The following ELMO1 variants were observed in gnomAD, a reference collection of about 807,000 sequenced individuals.
ELMO1 encodes the protein engulfment and cell motility protein 1.
A neutral mutation model predicts 98.9 loss-of-function variants in ELMO1; 26 were observed. The ratio of observed to expected loss-of-function variants is 0.26; its 90% CI spans 0.19 to 0.36. The LOEUF (loss-of-function observed/expected upper bound fraction) is 0.36. ELMO1 is among the 10% of genes least tolerant of loss of function. The pLI, the probability that ELMO1 is intolerant of heterozygous loss-of-function variation, is 1.00. For synonymous variants in ELMO1, 346 were observed against 346.0 expected (o/e 1.00, Z 0.00); for missense variants, 627 against 935.2 (o/e 0.67, Z 4.30).
intron 16 of ELMO1, among the ~76,000 whole-genome samples, chr7:36,918,934 T>C (rs528796963): frequency 2.6e-5 from 4 of 152,212 alleles, no homozygotes; most frequent in East Asian, 3.9e-4. Context: ...GGTTTACCCA[T>C]AGCAAGAGAG....
chr7:37,253,341 T>G (rs1795460558), intron 6 of ELMO1, among the ~76,000 whole-genome samples: 1 of 152,054 alleles, frequency 6.6e-6, no homozygotes, highest in Non-Finnish European at 1.5e-5. Flanking sequence ...TGTCCATCAA[T>G]GATAGACTGG....
chr7:37,154,983 G>C (rs1040081706), intron 13 of ELMO1, among the ~76,000 whole-genome samples: 1 of 152,202 alleles, frequency 6.6e-6, no homozygotes, highest in African/African-American at 2.4e-5. Context: ...AACCCTACAA[G>C]CCAGAAGAGA....
chr7:37,421,945 C>A (rs190909437), intron 1 of ELMO1, among the ~76,000 whole-genome samples: 58 of 152,250 alleles, frequency 3.8e-4, no homozygotes, highest in African/African-American at 1.3e-3. Flanking sequence ...TGAGTGGGAC[C>A]AGGAAGCCAA....
chr7:37,054,375 C>A (rs1796283219), intron 15 of ELMO1, among the ~76,000 whole-genome samples: 1 of 152,066 alleles, frequency 6.6e-6, no homozygotes. Flanking sequence ...TAACAGCCTA[C>A]CAAGAAGATG....
At chr7:37,288,941 G>A (rs1392732550) in intron 4 of ELMO1, among the ~76,000 whole-genome samples, 1 of 152,170 alleles carries the variant, frequency 6.6e-6, no homozygotes, top group African/African-American at 2.4e-5. Flanking sequence ...CTGCCCCCAT[G>A]TCTTTTTTGG....
rs192487013 is a variant in ELMO1 at position 37,153,124 on chromosome 7, T to C, written c.1087-19890A>G. Among the ~76,000 whole-genome samples, 1,002 of 152,350 alleles carry C rather than the reference T, an allele frequency of 6.6e-3. 6 individuals carry two copies. The highest frequency in any genetic ancestry group is 0.01 in the Non-Finnish European group (711 of 68,040). The stretch of plus-strand genomic sequence containing the variant: ...CAACAAGTAGGCACTTCGGGAATTA[T>C]ATCTCACAGAAAAATGACTTTAAGA... On this transcript the variant is annotated intron_variant, in intron 13 of 21. Coordinates refer to ENST00000310758, the MANE Select transcript of ELMO1 (RefSeq NM_014800.11).
intron 16 of ELMO1, among the ~76,000 whole-genome samples, chr7:36,923,343 T>C (rs1785292083): frequency 6.6e-6 from 1 of 152,222 alleles, no homozygotes; most frequent in African/African-American, 2.4e-5. Flanking sequence ...GTGTCAATGT[T>C]ATATCTCAGG....
chr7:37,215,183 A>G (rs1306535165), intron 11 of ELMO1, among the ~76,000 whole-genome samples: 5 of 152,236 alleles, frequency 3.3e-5, no homozygotes, highest in African/African-American at 1.2e-4. Flanking sequence ...TTATCAAACA[A>G]TGAAAGTTAC....
At chr7:37,373,025 G>C (rs1340505887) in intron 1 of ELMO1, among the ~76,000 whole-genome samples, 1 of 152,190 alleles carries the variant, frequency 6.6e-6, no homozygotes, top group Non-Finnish European at 1.5e-5. Flanking sequence ...CACCCGTGCT[G>C]TGTCACCTAC....
At chr7:36,869,814 TA>T (rs1281633565) in intron 20 of ELMO1, among the ~76,000 whole-genome samples, 1 of 152,210 alleles carries the variant, frequency 6.6e-6, no homozygotes, top group Non-Finnish European at 1.5e-5. Flanking sequence ...AGGGCTTAAG[TA>T]ATACACACTT....
At chr7:36,957,366 C>G (rs1788548739) in intron 16 of ELMO1, among the ~76,000 whole-genome samples, 1 of 152,208 alleles carries the variant, frequency 6.6e-6, no homozygotes, top group South Asian at 2.1e-4. Context: ...CCCTAACTCC[C>G]TGCCCAGTTC....
intron 15 of ELMO1, among the ~76,000 whole-genome samples, chr7:37,017,370 A>T (rs938800451): frequency 1.3e-5 from 2 of 152,218 alleles, no homozygotes; most frequent in African/African-American, 4.8e-5. Flanking sequence ...CAAAAAGCTC[A>T]CCAGCTGGGT....
intron 13 of ELMO1, among the ~76,000 whole-genome samples, chr7:37,182,687 T>C (rs1014825218): frequency 1.3e-5 from 2 of 151,764 alleles, no homozygotes; most frequent in Admixed American, 1.3e-4. Context: ...TTAGAGTAAA[T>C]AAATTTAAAA....
At chr7:37,334,620 C>T (rs1016188500) in intron 2 of ELMO1, among the ~76,000 whole-genome samples, 9 of 152,176 alleles carry the variant, frequency 5.9e-5, no homozygotes, top group South Asian at 2.1e-4. Context: ...TGAAATCCCA[C>T]GTGCAAGGCC....
chr7:37,032,106 T>TAGGATCTAA (rs1794916803), intron 15 of ELMO1, among the ~76,000 whole-genome samples: 2 of 152,168 alleles, frequency 1.3e-5, no homozygotes, highest in African/African-American at 4.8e-5. Context: ...AAACATCCTA[T>TAGGATCTAA]TAGAGTGCAC....
intron 5 of ELMO1, among the ~76,000 whole-genome samples, chr7:37,262,507 C>A (rs189785328): frequency 2.0e-5 from 3 of 152,308 alleles, no homozygotes; most frequent in Admixed American, 6.5e-5. Context: ...CTCACCCCAG[C>A]GCCTGAGAAT....
chr7:37,419,109 C>CTCTGG (rs1320769744), intron 1 of ELMO1, among the ~76,000 whole-genome samples: 1 of 152,122 alleles, frequency 6.6e-6, no homozygotes, highest in African/African-American at 2.4e-5. Context: ...TGCAGGCAGG[C>CTCTGG]TCTGACCCAA....
intron 13 of ELMO1, among the ~76,000 whole-genome samples, chr7:37,191,093 G>C (rs1217646745): frequency 6.7e-6 from 1 of 150,286 alleles, no homozygotes; most frequent in African/African-American, 2.4e-5. Context: ...GGAGGCTGAG[G>C]CAGGAGAATG....
chr7:37,112,049 T>C (rs1033907963), intron 14 of ELMO1, among the ~76,000 whole-genome samples: 2 of 152,104 alleles, frequency 1.3e-5, no homozygotes, highest in African/African-American at 2.4e-5. Flanking sequence ...TCAGTTTTGA[T>C]CTTCTGAAAA....
Sources: allele counts gnomAD v4.1 joint callset (sites outside exome capture counted in the v4.1 genomes callset), GRCh38; gene constraint gnomAD v4.1.1; transcripts MANE v1.5; gene names NCBI Gene and HGNC (gene_info 2026-07-23, HGNC 2026-07-21).